The following DMD variants were observed in gnomAD, a reference collection of about 807,000 sequenced individuals.
DMD encodes dystrophin.
In DMD, 63 loss-of-function variants were observed where a neutral mutation model predicts 330.1. The ratio of observed to expected loss-of-function variants is 0.19; its 90% CI spans 0.16 to 0.24. DMD has a LOEUF of 0.24. Ranked by LOEUF, DMD falls within the 10% of genes least tolerant of loss-of-function variation. The pLI is 1.00. For synonymous variants in DMD, 1,223 were observed against 959.8 expected, an observed-to-expected ratio of 1.27 and a Z score of -5.07; for missense variants, 3,344 against 2,684.1, an observed-to-expected ratio of 1.25 and a Z score of -5.43.
At chrX:32,620,733 A>G (rs972291667) in intron 11 of DMD, among the ~76,000 whole-genome samples, 2 of 111,993 alleles carry the variant, frequency 1.8e-5, no homozygotes, top group Non-Finnish European at 3.8e-5. Flanking sequence ...GGAATGGACA[A>G]AATACCTATC....
intron 44 of DMD, among the ~76,000 whole-genome samples, chrX:32,165,733 C>A (rs754036258): frequency 5.4e-5 from 6 of 111,575 alleles, no homozygotes; most frequent in Non-Finnish European, 9.4e-5. Flanking sequence ...TGTGTCCCCA[C>A]CCAAATCTCA....
intron 30 of DMD, among the ~76,000 whole-genome samples, chrX:32,405,172 A>G (rs1214889970): frequency 8.9e-6 from 1 of 111,897 alleles, no homozygotes; most frequent in African/African-American, 3.2e-5. Context: ...GAATGAATAA[A>G]AAAGTTTCCA....
At chrX:31,931,052 C>T (rs2094846221) in intron 46 of DMD, among the ~76,000 whole-genome samples, 1 of 111,774 alleles carries the variant, frequency 8.9e-6, no homozygotes, top group African/African-American at 3.3e-5. Context: ...CAGAAATAAA[C>T]GTTTGACATT....
intron 44 of DMD, among the ~76,000 whole-genome samples, chrX:32,090,589 T>G (rs189953902): frequency 9.2e-4 from 103 of 111,798 alleles, no homozygotes; most frequent in Non-Finnish European, 7.3e-4. Context: ...CTTGCTCCAT[T>G]GCTTCTGATC....
chrX:31,443,604 C>T (rs1337491065), intron 60 of DMD, among the ~76,000 whole-genome samples: 1 of 108,678 alleles, frequency 9.2e-6, no homozygotes, highest in Non-Finnish European at 1.9e-5. Context: ...TGCTCCAGGT[C>T]CCATGGCTAG....
At chrX:33,315,757 A>G (rs73623944) in intron 1 of DMD, among the ~76,000 whole-genome samples, 3,755 of 111,913 alleles carry the variant, frequency 0.034, 157 homozygotes, top group African/African-American at 0.11. Context: ...GGACTCCTAA[A>G]TTTCGCCATA....
At position 32,835,762 on chromosome X, in the gene DMD, G is replaced by A. The variant is rs182581979; in HGVS notation, c.264+9021C>T. Among the ~76,000 whole-genome samples, 314 of 111,610 alleles carry A rather than the reference G, an allele frequency of 2.8e-3. 1 individual carries two copies. The highest frequency in any genetic ancestry group is 9.9e-3 in the African/African-American group (304 of 30,712). ...AATATGCTAGAACTAGTGATTTATG[G>A]CAGAGGGACAGGCTAAAATGGAGGA... On this transcript the variant is annotated intron_variant, in intron 4 of 78. Transcript: ENST00000357033.
intron 9 of DMD, among the ~76,000 whole-genome samples, chrX:32,689,943 A>G (rs1196994834): frequency 2.7e-5 from 3 of 111,020 alleles, no homozygotes; most frequent in South Asian, 7.5e-4. Context: ...ATCGCAGGTC[A>G]TATCACAACA....
intron 63 of DMD, among the ~76,000 whole-genome samples, chrX:31,233,721 C>G (rs1462844212): frequency 8.9e-6 from 1 of 111,763 alleles, no homozygotes; most frequent in Non-Finnish European, 1.9e-5. Flanking sequence ...TAAAGGCTAC[C>G]TTTTCTACCT....
intron 54 of DMD, among the ~76,000 whole-genome samples, chrX:31,628,634 T>C (rs765789466): frequency 1.4e-4 from 16 of 110,777 alleles, no homozygotes; most frequent in African/African-American, 5.2e-4. Context: ...ACTAGGCAGA[T>C]CTGAGTTCAA....
chrX:32,109,815 G>A (rs1337436854), intron 44 of DMD, among the ~76,000 whole-genome samples: 1 of 111,354 alleles, frequency 9.0e-6, no homozygotes, highest in Admixed American at 9.6e-5. Flanking sequence ...TGATAGTCCT[G>A]CCCTCTGCAT....
At chrX:31,724,226 G>C (rs775897304) in intron 52 of DMD, among the ~76,000 whole-genome samples, 1 of 112,402 alleles carries the variant, frequency 8.9e-6, no homozygotes, top group South Asian at 3.7e-4. Context: ...CAATACCTGA[G>C]AGGAAGATAC....
intron 44 of DMD, among the ~76,000 whole-genome samples, chrX:32,216,713 A>G (rs1002811253): frequency 9.0e-6 from 1 of 111,169 alleles, no homozygotes; most frequent in Admixed American, 9.7e-5. Context: ...CGTCCAGGCA[A>G]ACTCTCTCAT....
chrX:31,220,844 A>G (rs1602902673), intron 64 of DMD, among the ~76,000 whole-genome samples: 1 of 101,742 alleles, frequency 9.8e-6, no homozygotes, highest in Non-Finnish European at 2.0e-5. Flanking sequence ...GCTTTGAATG[A>G]GGCCCAAATG....
chrX:32,514,468 G>C (rs1341729823), intron 18 of DMD, among the ~76,000 whole-genome samples: 1 of 112,123 alleles, frequency 8.9e-6, no homozygotes, highest in African/African-American at 3.2e-5. Context: ...AGTGCCGGGC[G>C]CGGTGGCTCA....
rs1174153877 is a variant in DMD at position 31,266,159 on chromosome X, C to CAA, written c.9225-5145_9225-5144dup. Among the ~76,000 whole-genome samples, 68 of 13,275 alleles carry CAA rather than the reference C, an allele frequency of 5.1e-3. 1 individual carries two copies. The highest frequency in any genetic ancestry group is 6.6e-3 in the Non-Finnish European group (55 of 8,323). The allele number at this position is 13,275 out of a possible 115,157, so 11.5% of individuals were successfully genotyped here. ...TGACTCCACACCCAATCCCGAAGGG[C>CAA]AAAAAAAAAAAAAAAAAAAAAAAAG... is the stretch of plus-strand genomic sequence containing the variant. On this transcript the variant is annotated intron_variant, in intron 62 of 78. Transcript: ENST00000357033.
chrX:31,649,767 C>T (rs1217674322), intron 54 of DMD, among the ~76,000 whole-genome samples: 2 of 110,054 alleles, frequency 1.8e-5, no homozygotes, highest in South Asian at 3.9e-4. Flanking sequence ...CCTGAAGAGC[C>T]GAAAGACACA....
chrX:32,219,434 A>G (rs1224811923), intron 43 of DMD, among the ~76,000 whole-genome samples: 1 of 112,067 alleles, frequency 8.9e-6, no homozygotes, highest in Non-Finnish European at 1.9e-5. Flanking sequence ...TACTGGTGAG[A>G]CTATATTTTC....
intron 21 of DMD, among the ~76,000 whole-genome samples, chrX:32,477,090 T>C (rs1421728194): frequency 9.0e-6 from 1 of 111,311 alleles, no homozygotes; most frequent in African/African-American, 3.3e-5. Flanking sequence ...CTTTTTTCTC[T>C]AAAGAAAGTA....
Sources: allele counts gnomAD v4.1 joint callset (sites outside exome capture counted in the v4.1 genomes callset), GRCh38; gene constraint gnomAD v4.1.1; transcripts MANE v1.5; gene names NCBI Gene and HGNC (gene_info 2026-07-23, HGNC 2026-07-21).